STON2: variants seen among roughly 807,000 people sequenced by gnomAD.
STON2 encodes stonin-2.
Under a neutral mutation model 65.7 loss-of-function variants are expected in STON2, and 29 were observed. The observed-to-expected ratio is 0.44, with a 90% CI of 0.33 to 0.60. The LOEUF (loss-of-function observed/expected upper bound fraction) is 0.60. Ranked by LOEUF, STON2 falls within the 20% of genes least tolerant of loss-of-function variation. The pLI is 0.03. For synonymous variants in STON2, 404 were observed against 414.2 expected, an observed-to-expected ratio of 0.98 and a Z score of 0.30; for missense variants, 1,054 against 1,118.1, an observed-to-expected ratio of 0.94 and a Z score of 0.82.
intron 3 of STON2, among the ~76,000 whole-genome samples, chr14:81,383,638 C>T (rs976731100): frequency 2.0e-5 from 3 of 152,148 alleles, no homozygotes; most frequent in Non-Finnish European, 2.9e-5. Flanking sequence ...CCTGCCTTCT[C>T]CAAGCTACCA....
intron 2 of STON2, among the ~76,000 whole-genome samples, chr14:81,409,257 T>C (rs991050597): frequency 1.3e-5 from 2 of 151,834 alleles, no homozygotes; most frequent in African/African-American, 4.8e-5. Context: ...ATACGAAAAT[T>C]AGCCAGGCGT....
At chr14:81,433,375 A>C (rs1902291399) in intron 1 of STON2, among the ~76,000 whole-genome samples, 2 of 152,150 alleles carry the variant, frequency 1.3e-5, no homozygotes, top group Admixed American at 1.3e-4. Context: ...GTTCAGCAGG[A>C]AAATCTGACC....
At chr14:81,273,828 C>T (rs1473182831) in intron 6 of STON2, among the ~76,000 whole-genome samples, 1 of 152,156 alleles carries the variant, frequency 6.6e-6, no homozygotes, top group Non-Finnish European at 1.5e-5. Context: ...TGCAGGGCCA[C>T]CGTAGGCAGG....
At chr14:81,292,091 C>T (rs754902483) in intron 5 of STON2, among the ~76,000 whole-genome samples, 11 of 152,160 alleles carry the variant, frequency 7.2e-5, no homozygotes, top group Non-Finnish European at 1.2e-4. Context: ...ATGGTAACAG[C>T]CTATCTTAGG....
At chr14:81,396,313 C>A in intron 2 of STON2, 135 bp from the exon 3 acceptor site, 1 of 725,352 alleles carries the variant, frequency 1.4e-6, no homozygotes, top group South Asian at 1.9e-5. Flanking sequence ...GAAGAAAGAG[C>A]CACACCCATC....
intron 4 of STON2, among the ~76,000 whole-genome samples, chr14:81,356,007 C>T (rs1349135635): frequency 6.6e-6 from 1 of 152,126 alleles, no homozygotes; most frequent in Non-Finnish European, 1.5e-5. Flanking sequence ...ATTTCCTTCT[C>T]CTGCCTAATT....
chr14:81,376,669 T>C (rs1292882591), intron 3 of STON2, among the ~76,000 whole-genome samples: 1 of 152,196 alleles, frequency 6.6e-6, no homozygotes, highest in Non-Finnish European at 1.5e-5. Flanking sequence ...TGACAATATA[T>C]ACCCAATTTA....
intron 5 of STON2, among the ~76,000 whole-genome samples, chr14:81,285,902 T>C (rs1388865468): frequency 1.3e-5 from 2 of 152,050 alleles, no homozygotes; most frequent in Admixed American, 6.5e-5. Flanking sequence ...AATCCCAGCA[T>C]TTTGGGAGGC....
At position 81,277,820 on chromosome 14, in the gene STON2, G is replaced by A; in HGVS notation, c.1662C>T (p.His554=). The stretch of plus-strand genomic sequence containing the variant: ...AGGTGACACGGTCTATCCGCAAGCT[G>A]TGGATTCTGCCATTCTCATCATAGT... ...LQNYDENGRI[H]SLRIDRVTYK... is the part of the protein sequence containing the mutation. The change falls in exon 6 of 8, where the codon CAC becomes CAT. Residue 554 remains histidine, a synonymous_variant. Transcript: ENST00000614646. 6.2e-7 allele frequency: 1 copy of A among 1,614,196 alleles called. No individual in the cohort carries two copies. The highest frequency in any genetic ancestry group is 8.5e-7 in the Non-Finnish European group (1 of 1,180,048).
intron 2 of STON2, among the ~76,000 whole-genome samples, chr14:81,397,405 T>C (rs1029777270): frequency 6.6e-6 from 1 of 152,350 alleles, no homozygotes; most frequent in African/African-American, 2.4e-5. Context: ...TTTCAACATG[T>C]AAGAAATATA....
At chr14:81,269,802 C>T in intron 7 of STON2, 1 of 985,376 alleles carries the variant, frequency 1.0e-6, no homozygotes, top group Non-Finnish European at 1.2e-6. Flanking sequence ...TTCTAACTCC[C>T]CAGGAAAGTA....
intron 5 of STON2, among the ~76,000 whole-genome samples, chr14:81,323,119 A>G (rs976396554): frequency 6.6e-6 from 1 of 152,222 alleles, no homozygotes; most frequent in Non-Finnish European, 1.5e-5. Flanking sequence ...CAGGTATTAA[A>G]GTTTGGACTA....
chr14:81,276,218 C>T (rs904962315), intron 6 of STON2, among the ~76,000 whole-genome samples: 2 of 152,242 alleles, frequency 1.3e-5, no homozygotes, highest in Admixed American at 1.3e-4. Context: ...AAAAGCATCC[C>T]TGATAGCTGC....
At chr14:81,304,522 A>C (rs1213031473) in intron 5 of STON2, among the ~76,000 whole-genome samples, 1 of 152,188 alleles carries the variant, frequency 6.6e-6, no homozygotes, top group African/African-American at 2.4e-5. Flanking sequence ...CAGGAGTTCA[A>C]GACCAGCCTG....
Position 81,263,552 on chromosome 14 carries a change from A to C in STON2, c.*4862T>G, listed in dbSNP as rs986390820. ...GACTCCGTCTCAAAAAAAAAAAAAA[A>C]AAAAAAAACAAAAAAGAAAATGCTA... is the stretch of plus-strand genomic sequence containing the variant. On this transcript the variant is annotated 3_prime_UTR_variant, in exon 8 of 8. Coordinates refer to ENST00000614646, the MANE Select transcript of STON2 (RefSeq NM_001394390.1). The C allele has an allele frequency of 1.2e-4, 22 of 189,048 alleles. No individual in the cohort carries two copies. The highest frequency in any genetic ancestry group is 4.5e-4 in the African/African-American group (19 of 41,898). 11.7% of individuals were successfully genotyped at this position (189,048 alleles called of 1,614,324 possible). A position where few individuals can be genotyped will look rare whatever the true frequency, so the allele number is the denominator to read the frequency against.
chr14:81,298,538 TG>T (rs1895854778), intron 5 of STON2, among the ~76,000 whole-genome samples: 1 of 152,162 alleles, frequency 6.6e-6, no homozygotes. Context: ...CTGAAATCCC[TG>T]ATCTATATAC....
intron 5 of STON2, among the ~76,000 whole-genome samples, chr14:81,294,067 T>C (rs1466559342): frequency 6.6e-6 from 1 of 152,188 alleles, no homozygotes; most frequent in Non-Finnish European, 1.5e-5. Context: ...TTGGCTTCTG[T>C]TACTTGCAAT....
chr14:81,383,063 T>C (rs1163489203), intron 3 of STON2, among the ~76,000 whole-genome samples: 1 of 152,224 alleles, frequency 6.6e-6, no homozygotes, highest in Non-Finnish European at 1.5e-5. Flanking sequence ...CTTTGATGTC[T>C]GAGCCAGGTA....
chr14:81,286,154 CA>C (rs1402800930), intron 5 of STON2, among the ~76,000 whole-genome samples: 1 of 151,726 alleles, frequency 6.6e-6, no homozygotes, highest in Non-Finnish European at 1.5e-5. Flanking sequence ...TTATTTGTCT[CA>C]AAAAAATAAA....
Sources: allele counts gnomAD v4.1 joint callset (sites outside exome capture counted in the v4.1 genomes callset), GRCh38; gene constraint gnomAD v4.1.1; transcripts MANE v1.5; gene names NCBI Gene and HGNC (gene_info 2026-07-23, HGNC 2026-07-21).